Variants in OTUD7A observed in about 807,000 individuals in gnomAD.
The protein encoded by OTUD7A is OTU deubiquitinase 7A.
A neutral mutation model predicts 65.7 loss-of-function variants in OTUD7A; 12 were observed. That is an observed-to-expected ratio of 0.18 (90% CI 0.12 to 0.30). OTUD7A has a LOEUF of 0.30. Among genes scored for constraint, OTUD7A ranks in the 10% least tolerant of loss-of-function variants. OTUD7A has a pLI of 1.00. For missense variants in OTUD7A, 1,148 were observed against 1,304.8 expected, an observed-to-expected ratio of 0.88 and a Z score of 1.85; for synonymous variants, 641 against 586.3, an observed-to-expected ratio of 1.09 and a Z score of -1.35.
intron 1 of OTUD7A, among the ~76,000 whole-genome samples, chr15:31,851,320 G>A (rs1567055128): frequency 2.0e-5 from 3 of 152,292 alleles, no homozygotes; most frequent in East Asian, 1.9e-4. Context: ...ATTAGAAGAT[G>A]TAATGAAAAG....
At chr15:31,610,617 A>ATATTTTTTTTTTTTTTTTT in intron 3 of OTUD7A, among the ~76,000 whole-genome samples, 3 of 30,564 alleles carry the variant, frequency 9.8e-5, no homozygotes, top group Admixed American at 6.7e-4. Flanking sequence ...ATATATATAT[A>ATATTTTTTTTTTTTTTTTT]TTTTTTTTTT....
chr15:31,649,276 C>A (rs1234849112), intron 3 of OTUD7A, among the ~76,000 whole-genome samples: 3 of 152,180 alleles, frequency 2.0e-5, no homozygotes, highest in African/African-American at 2.4e-5. Context: ...AGGCCACCCT[C>A]TTCTGTTTGG....
At chr15:31,767,007 A>G in intron 1 of OTUD7A, 3 of 1,611,220 alleles carry the variant, frequency 1.9e-6, no homozygotes, top group Non-Finnish European at 2.5e-6. Flanking sequence ...TTATGTCATT[A>G]GCACTCACTC....
At chr15:31,520,515 A>T (rs1478464660) in intron 8 of OTUD7A, among the ~76,000 whole-genome samples, 3 of 152,236 alleles carry the variant, frequency 2.0e-5, no homozygotes, top group Admixed American at 6.5e-5. Context: ...TGGATTAAAG[A>T]CCTAAATGTA....
In OTUD7A at chr15:31,713,431, C is replaced by A. The variant is rs1158075059; in HGVS notation, c.-99-56354G>T. The stretch of plus-strand genomic sequence containing the variant: ...GTGGGGAGTTTGAGACAAGCTTGGG[C>A]AACATGGTGAAACCTTGTCTCATCT... On this transcript the variant is annotated intron_variant, in intron 1 of 12. Coordinates refer to ENST00000307050, the MANE Select transcript of OTUD7A (RefSeq NM_001382637.1). Among the ~76,000 whole-genome samples, 4 of 152,094 alleles carry A rather than the reference C, an allele frequency of 2.6e-5. No individual in the cohort carries two copies. In the East Asian group the frequency reaches 7.7e-4, roughly 29 times the overall value.
chr15:31,675,137 A>G (rs1455174374), intron 1 of OTUD7A, among the ~76,000 whole-genome samples: 2 of 150,506 alleles, frequency 1.3e-5, no homozygotes, highest in Non-Finnish European at 2.9e-5. Context: ...ATTTATAAAC[A>G]TAGATGTACA....
At chr15:31,492,913 A>G (rs1350677670) in intron 10 of OTUD7A, among the ~76,000 whole-genome samples, 1 of 152,208 alleles carries the variant, frequency 6.6e-6, no homozygotes, top group Non-Finnish European at 1.5e-5. Flanking sequence ...TATGCTGTCT[A>G]CAAGAATCTC....
At chr15:31,518,242 G>A (rs553421689) in intron 8 of OTUD7A, among the ~76,000 whole-genome samples, 1 of 152,260 alleles carries the variant, frequency 6.6e-6, no homozygotes, top group East Asian at 1.9e-4. Context: ...GGGAGGCCGA[G>A]GCGGGTGGAT....
chr15:31,833,499 C>A (rs1464993890), intron 1 of OTUD7A, among the ~76,000 whole-genome samples: 1 of 152,246 alleles, frequency 6.6e-6, no homozygotes. Flanking sequence ...GAAACATTCT[C>A]ACGAATGGCA....
At chr15:31,854,263 C>T (rs973301966) in intron 1 of OTUD7A, among the ~76,000 whole-genome samples, 59 of 152,206 alleles carry the variant, frequency 3.9e-4, no homozygotes, top group African/African-American at 1.4e-3. Context: ...ACTGCCACAA[C>T]TCCTATGCTT....
intron 1 of OTUD7A, among the ~76,000 whole-genome samples, chr15:31,792,718 T>C (rs1193921875): frequency 6.6e-6 from 1 of 152,202 alleles, no homozygotes; most frequent in African/African-American, 2.4e-5. Context: ...TTTATGTGTA[T>C]GTGTGTTCTG....
intron 1 of OTUD7A, among the ~76,000 whole-genome samples, chr15:31,742,432 C>T (rs907350343): frequency 3.3e-5 from 5 of 152,038 alleles, no homozygotes; most frequent in African/African-American, 1.2e-4. Flanking sequence ...GTAGATAAGG[C>T]TTTTTAAAAA....
rs1314470160 is a variant in OTUD7A at position 31,487,479 on chromosome 15, T to A, written c.1259A>T (p.Asp420Val). 1 of 1,613,910 alleles carries A rather than the reference T, an allele frequency of 6.2e-7. No individual in the cohort carries two copies. Among genetic ancestry groups the A allele is most frequent in the African/African-American group, 1.3e-5 (1 of 74,896 alleles). Reference protein sequence around the residue: ...DPGKDWEWGKDDNDNARLAHL... With the variant: ...DPGKDWEWGKVDNDNARLAHL... ...GGCCAGCCGGGCGTTATCGTTGTCG[T>A]CTTTCCCCCACTCCCAGTCCTTGCC... Residue 420 changes from aspartate to valine, a missense_variant, in exon 11 of 13, where the codon GAC (aspartate) becomes GTC (valine). Asp to Val is a radical substitution (Grantham distance 152). Around this residue, in one of 6 missense-constraint regions of OTUD7A, gnomAD observed 842 missense variants for 769.5 expected, o/e 1.09. Transcript: ENST00000307050. The surrounding 1 kb of genome is among the most constrained non-coding windows in gnomAD (Gnocchi z 6.0).
chr15:31,792,048 C>T (rs1895831247), intron 1 of OTUD7A, among the ~76,000 whole-genome samples: 1 of 152,130 alleles, frequency 6.6e-6, no homozygotes, highest in South Asian at 2.1e-4. Context: ...ACTCCCTCTC[C>T]CACTTCCTTC....
intron 1 of OTUD7A, among the ~76,000 whole-genome samples, chr15:31,763,835 T>C (rs922269143): frequency 5.9e-5 from 9 of 152,220 alleles, no homozygotes; most frequent in Non-Finnish European, 8.8e-5. Context: ...AACAACCCTC[T>C]GAATGACTGC....
intron 6 of OTUD7A, among the ~76,000 whole-genome samples, chr15:31,529,351 A>T (rs2141121109): frequency 6.6e-6 from 1 of 152,336 alleles, no homozygotes; most frequent in East Asian, 1.9e-4. Context: ...CAGCAGGGAA[A>T]ATTCTCAGAT....
chr15:31,719,928 C>G (rs1292743214), intron 1 of OTUD7A, among the ~76,000 whole-genome samples: 2 of 152,126 alleles, frequency 1.3e-5, no homozygotes, highest in Non-Finnish European at 2.9e-5. Context: ...CGACCATCCT[C>G]CCCGTCTGGG....
At chr15:31,803,932 C>G (rs999947191) in intron 1 of OTUD7A, among the ~76,000 whole-genome samples, 2 of 152,182 alleles carry the variant, frequency 1.3e-5, no homozygotes, top group African/African-American at 2.4e-5. Flanking sequence ...AAGCTTCCTT[C>G]CCCATGGTTT....
chr15:31,658,523 G>C (rs1892058366), intron 1 of OTUD7A, among the ~76,000 whole-genome samples: 1 of 152,200 alleles, frequency 6.6e-6, no homozygotes, highest in South Asian at 2.1e-4. Context: ...CATGACTGCA[G>C]GGACTCTGTG....
Sources: gnomAD v4.1 joint callset for allele counts (sites outside exome capture counted in the v4.1 genomes callset) on GRCh38, gnomAD v4.1.1 for gene constraint, gnomAD v4.1.1 regional missense constraint, Gnocchi (gnomAD v3.1) non-coding constraint, MANE v1.5 for transcripts, NCBI Gene and HGNC (gene_info 2026-07-23, HGNC 2026-07-21) for gene names.